TENM3: variants seen among roughly 807,000 people sequenced by gnomAD.
The protein encoded by TENM3 is teneurin transmembrane protein 3, also known as teneurin-3.
TENM3 carries 63 observed loss-of-function variants against 255.1 expected under a neutral mutation model. That is an observed-to-expected ratio of 0.25 (90% CI 0.20 to 0.30). The LOEUF (loss-of-function observed/expected upper bound fraction) is 0.30. Among genes scored for constraint, TENM3 ranks in the 10% least tolerant of loss-of-function variants. The pLI is 1.00. For missense variants in TENM3, 2,929 were observed against 3,461.1 expected (o/e 0.85, Z 3.86); for synonymous variants, 1,306 against 1,322.3 (o/e 0.99, Z 0.27).
chr4:182,236,682 A>T (rs139855544), intron 1 of TENM3, among the ~76,000 whole-genome samples: 4 of 152,230 alleles, frequency 2.6e-5, no homozygotes, highest in Non-Finnish European at 4.4e-5. Context: ...ACTTTTCTTG[A>T]TGAAGTAAAA....
chr4:181,520,300 A>T, the TENM3 span, among the ~76,000 whole-genome samples: 1 of 152,136 alleles, frequency 6.6e-6, no homozygotes, highest in African/African-American at 2.4e-5. Flanking sequence ...GAAGGGAGAA[A>T]ATGCTGATGT....
the TENM3 span, among the ~76,000 whole-genome samples, chr4:181,810,377 G>A: frequency 6.6e-6 from 1 of 152,030 alleles, no homozygotes; most frequent in African/African-American, 2.4e-5. Context: ...GAAACATCTG[G>A]CACCCAGTAA....
At chr4:181,723,489 C>T in the TENM3 span, among the ~76,000 whole-genome samples, 1 of 151,782 alleles carries the variant, frequency 6.6e-6, no homozygotes, top group Non-Finnish European at 1.5e-5. Flanking sequence ...TCTGAAAATA[C>T]CTTTATTCTG....
the TENM3 span, among the ~76,000 whole-genome samples, chr4:181,535,548 C>A: frequency 6.6e-6 from 1 of 152,172 alleles, no homozygotes. Context: ...CCTCTCTGCT[C>A]AAAACCCTTA....
chr4:181,726,543 T>C, the TENM3 span, among the ~76,000 whole-genome samples: 1 of 152,188 alleles, frequency 6.6e-6, no homozygotes, highest in Admixed American at 6.5e-5. Flanking sequence ...GTCCCACAAG[T>C]ATAAGAAATA....
chr4:181,590,818 C>A, the TENM3 span, among the ~76,000 whole-genome samples: 2 of 152,064 alleles, frequency 1.3e-5, no homozygotes, highest in African/African-American at 4.8e-5. Flanking sequence ...GGGGTGAAAA[C>A]AACAAAACAG....
intron 3 of TENM3, among the ~76,000 whole-genome samples, chr4:182,492,468 A>G (rs537472434): frequency 1.3e-5 from 2 of 152,302 alleles, no homozygotes; most frequent in African/African-American, 4.8e-5. Flanking sequence ...TCGAGGAGTT[A>G]CTATATCCTT....
chr4:181,561,948 G>A, the TENM3 span, among the ~76,000 whole-genome samples: 11 of 152,240 alleles, frequency 7.2e-5, no homozygotes, highest in East Asian at 1.7e-3. Flanking sequence ...GGATCCTTGC[G>A]AATTGTGGGT....
intron 2 of TENM3, among the ~76,000 whole-genome samples, chr4:182,332,248 T>C (rs1475270816): frequency 6.6e-6 from 1 of 152,184 alleles, no homozygotes; most frequent in East Asian, 1.9e-4. Flanking sequence ...TGGATTATGA[T>C]GTCCCTTGAC....
At chr4:181,845,514 CA>C in the TENM3 span, among the ~76,000 whole-genome samples, 18 of 152,292 alleles carry the variant, frequency 1.2e-4, no homozygotes, top group African/African-American at 4.1e-4. Flanking sequence ...AATATATACA[CA>C]TACACACACA....
the TENM3 span, among the ~76,000 whole-genome samples, chr4:182,126,532 C>T: frequency 1.3e-5 from 2 of 152,154 alleles, no homozygotes; most frequent in African/African-American, 2.4e-5. Flanking sequence ...GAAGAACTCT[C>T]TTTTGGTGAA....
the TENM3 span, among the ~76,000 whole-genome samples, chr4:181,606,138 G>A: frequency 1.3e-5 from 2 of 152,044 alleles, no homozygotes; most frequent in East Asian, 3.9e-4. Context: ...GCTCCACCCT[G>A]CTGCCATTTT....
Position 182,757,311 on chromosome 4 carries a change from C to CAAAA in TENM3, c.4892+2075_4892+2078dup, listed in dbSNP as rs10571604. Among the ~76,000 whole-genome samples, 14 of 53,620 alleles carry CAAAA rather than the reference C, an allele frequency of 2.6e-4. 1 individual carries two copies. Among genetic ancestry groups the CAAAA allele is most frequent in the East Asian group, 1.1e-3 (2 of 1,746 alleles). 35.2% of individuals were successfully genotyped at this position (53,620 alleles called of 152,430 possible). ...TGGGTGACAGAGTGAGACTCCGTCTCAAAAAAAAAAAAAAAAAAAAAAAAA... is the reference window on the plus strand; with the variant it reads ...TGGGTGACAGAGTGAGACTCCGTCTCAAAAAAAAAAAAAAAAAAAAAAAAAAAAA... On this transcript the variant is annotated intron_variant, in intron 22 of 27. Coordinates refer to ENST00000511685, the MANE Select transcript of TENM3 (RefSeq NM_001080477.4).
At chr4:182,337,362 C>T (rs1471084322) in intron 2 of TENM3, among the ~76,000 whole-genome samples, 1 of 152,022 alleles carries the variant, frequency 6.6e-6, no homozygotes, top group African/African-American at 2.4e-5. Flanking sequence ...AGATAAATAA[C>T]CAAATTTTAA....
At chr4:181,803,063 G>T in the TENM3 span, among the ~76,000 whole-genome samples, 2 of 151,600 alleles carry the variant, frequency 1.3e-5, no homozygotes, top group Non-Finnish European at 2.9e-5. Context: ...ATCATTACAT[G>T]TATGTGTTAG....
chr4:182,161,371 G>A (rs1332397418), intron 1 of TENM3, among the ~76,000 whole-genome samples: 1 of 116,506 alleles, frequency 8.6e-6, no homozygotes, highest in Non-Finnish European at 1.7e-5. Flanking sequence ...AGCCGAGATC[G>A]CGCCACTGCA....
rs751402252 is a variant in TENM3, at chr4:182,752,072, T to A, written c.3862+40T>A. 2.2e-3 allele frequency: 2,234 copies of A among 1,037,548 alleles called. 15 individuals carry two copies. In the East Asian group the frequency reaches 0.039, roughly 18 times the overall value. The allele number at this position is 1,037,548 out of a possible 1,614,324, so 64.3% of individuals were successfully genotyped here. ...CGATTTGAGGATTTCTTTTTATTTA[T>A]TAAAAAAAAAAAAAAAGGGGTTGAA... is the stretch of plus-strand genomic sequence containing the variant. On this transcript the variant is annotated intron_variant, in intron 20 of 27. Transcript: ENST00000511685.
the TENM3 span, among the ~76,000 whole-genome samples, chr4:182,067,912 A>G: frequency 1.3e-5 from 2 of 151,866 alleles, no homozygotes; most frequent in Admixed American, 6.6e-5. Context: ...CAGTCACATT[A>G]TCGTGATTTT....
rs62339113 is a variant in TENM3, at chr4:182,598,407, G to A, written c.512-2517G>A. The stretch of plus-strand genomic sequence containing the variant: ...ACCATTGGCAAGAGCATGGATCCTC[G>A]TGTGGTGTCTTGTACGCTGTAAGTT... On this transcript the variant is annotated intron_variant, in intron 3 of 27. Coordinates refer to ENST00000511685, the MANE Select transcript of TENM3 (RefSeq NM_001080477.4). Among the ~76,000 whole-genome samples, 1,079 of 152,232 alleles carry A rather than the reference G, an allele frequency of 7.1e-3. 9 individuals carry two copies. The highest frequency in any genetic ancestry group is 0.012 in the Non-Finnish European group (833 of 68,008).
Sources: allele counts gnomAD v4.1 joint callset (sites outside exome capture counted in the v4.1 genomes callset), GRCh38; gene constraint gnomAD v4.1.1; transcripts MANE v1.5; gene names NCBI Gene and HGNC (gene_info 2026-07-23, HGNC 2026-07-21).